Variants in GABRA3 observed in about 807,000 individuals in gnomAD.
GABRA3 encodes gamma-aminobutyric acid type A receptor subunit alpha3.
GABRA3 carries 10 observed loss-of-function variants against 30.1 expected under a neutral mutation model. The observed-to-expected ratio is 0.33, with a 90% CI of 0.20 to 0.56. The LOEUF is 0.56. Among genes scored for constraint, GABRA3 ranks in the 20% least tolerant of loss-of-function variants. The pLI is 0.89. For synonymous variants in GABRA3, 151 were observed against 146.8 expected, an observed-to-expected ratio of 1.03 and a Z score of -0.21; for missense variants, 233 against 392.0, an observed-to-expected ratio of 0.59 and a Z score of 3.42.
At chrX:152,404,892 G>C (rs1288290116) in intron 1 of GABRA3, among the ~76,000 whole-genome samples, 1 of 108,244 alleles carries the variant, frequency 9.2e-6, no homozygotes, top group East Asian at 2.9e-4. Flanking sequence ...ATAGTTTAGA[G>C]GACGGAGGTG....
chrX:152,372,964 T>C (rs184159149), intron 1 of GABRA3, among the ~76,000 whole-genome samples: 1 of 111,752 alleles, frequency 8.9e-6, no homozygotes, highest in African/African-American at 3.2e-5. Flanking sequence ...CTCTCATCTA[T>C]GCATGTGCAC....
In GABRA3 at chrX:152,288,075, G is replaced by C. The variant is rs181463044; in HGVS notation, c.263-3340C>G. 3.8e-3 allele frequency among the ~76,000 whole-genome samples: 429 copies of C among 112,223 alleles called. 1 individual carries two copies. Among genetic ancestry groups the C allele is most frequent in the Non-Finnish European group, 7.1e-3 (378 of 53,284 alleles). On this transcript the variant is annotated intron_variant, in intron 3 of 9. Coordinates refer to ENST00000370314, the MANE Select transcript of GABRA3 (RefSeq NM_000808.4). ...CAACCAGAAATCCTTCATGCAGTCA[G>C]GTGTGGAAAAGAGATTGTTACTGCA...
rs200341591 is a variant in GABRA3, at chrX:152,199,102, CCT to C, written c.779-1319_779-1318del. 8.3e-3 allele frequency among the ~76,000 whole-genome samples: 920 copies of C among 111,347 alleles called. 11 individuals are homozygous for C. The highest frequency in any genetic ancestry group is 0.034 in the Admixed American group (363 of 10,526). On this transcript the variant is annotated intron_variant, in intron 7 of 9. Coordinates refer to ENST00000370314, the MANE Select transcript of GABRA3 (RefSeq NM_000808.4). ...AGAGGGCTGGGTGCGGTGGCTCAAGCCTGCCTGTAATCCCAGCACTTTGGGAG... is the reference window on the plus strand; with the variant it reads ...AGAGGGCTGGGTGCGGTGGCTCAAGCGCCTGTAATCCCAGCACTTTGGGAG...
chrX:152,245,140 C>T (rs1366997618), intron 5 of GABRA3, among the ~76,000 whole-genome samples: 2 of 109,196 alleles, frequency 1.8e-5, no homozygotes, highest in African/African-American at 6.7e-5. Flanking sequence ...GAACAAGGGG[C>T]TCTGGAATTC....
chrX:152,373,120 T>G (rs753331020), intron 1 of GABRA3, among the ~76,000 whole-genome samples: 1 of 112,104 alleles, frequency 8.9e-6, no homozygotes, highest in Non-Finnish European at 1.9e-5. Context: ...CGTTTCTGTA[T>G]ACTATTTTTT....
intron 1 of GABRA3, among the ~76,000 whole-genome samples, chrX:152,398,458 G>C (rs1408511153): frequency 9.0e-6 from 1 of 111,051 alleles, no homozygotes; most frequent in African/African-American, 3.3e-5. Flanking sequence ...TTATGAGAGG[G>C]AGGACAGTGT....
At chrX:152,309,101 A>C (rs1385607248) in intron 3 of GABRA3, among the ~76,000 whole-genome samples, 1 of 112,389 alleles carries the variant, frequency 8.9e-6, no homozygotes, top group Non-Finnish European at 1.9e-5. Flanking sequence ...AAAAGAATAA[A>C]ATAGAATGAA....
intron 1 of GABRA3, among the ~76,000 whole-genome samples, chrX:152,413,098 T>G (rs1321501236): frequency 1.8e-5 from 2 of 110,937 alleles, no homozygotes; most frequent in African/African-American, 6.5e-5. Context: ...ACAAAAAATT[T>G]TGAAAGCAGC....
chrX:152,362,767 T>C, intron 2 of GABRA3, among the ~76,000 whole-genome samples: 1 of 111,782 alleles, frequency 8.9e-6, no homozygotes, highest in East Asian at 2.8e-4. Context: ...TGATTCAATC[T>C]GGAGAGTAAA....
chrX:152,294,788 G>A (rs772120714), intron 3 of GABRA3, among the ~76,000 whole-genome samples: 5 of 111,842 alleles, frequency 4.5e-5, no homozygotes, highest in East Asian at 5.7e-4. Flanking sequence ...GGTCTTTGAT[G>A]ATGGTGACAT....
intron 9 of GABRA3, among the ~76,000 whole-genome samples, chrX:152,170,831 G>A (rs1936993939): frequency 8.9e-6 from 1 of 112,005 alleles, no homozygotes; most frequent in Non-Finnish European, 1.9e-5. Context: ...GTTGGTTTAC[G>A]TAAATTGAAC....
chrX:152,289,527 TA>T (rs1939361147), intron 3 of GABRA3, among the ~76,000 whole-genome samples: 1 of 110,845 alleles, frequency 9.0e-6, no homozygotes, highest in South Asian at 3.8e-4. Context: ...TTTCTTTTTT[TA>T]AATTATACTT....
At chrX:152,328,436 T>C (rs972719518) in intron 3 of GABRA3, among the ~76,000 whole-genome samples, 2 of 111,805 alleles carry the variant, frequency 1.8e-5, no homozygotes, top group South Asian at 7.5e-4. Context: ...TGAACATCGA[T>C]GCAAAAATCC....
intron 1 of GABRA3, among the ~76,000 whole-genome samples, chrX:152,427,128 C>T (rs1052150078): frequency 8.1e-5 from 9 of 111,413 alleles, no homozygotes; most frequent in African/African-American, 2.9e-4. Flanking sequence ...TATTATCTCT[C>T]ACACCTAATT....
chrX:152,394,070 A>G (rs1336640884), intron 1 of GABRA3, among the ~76,000 whole-genome samples: 1 of 111,636 alleles, frequency 9.0e-6, no homozygotes, highest in Non-Finnish European at 1.9e-5. Flanking sequence ...TATCATCATC[A>G]TCACTACCTG....
chrX:152,418,234 C>T (rs924982892), intron 1 of GABRA3, among the ~76,000 whole-genome samples: 1 of 110,761 alleles, frequency 9.0e-6, no homozygotes, highest in Non-Finnish European at 1.9e-5. Flanking sequence ...GCAAGAATTG[C>T]ATTTTTTGAA....
intron 4 of GABRA3, among the ~76,000 whole-genome samples, chrX:152,284,144 C>T (rs1311213067): frequency 1.8e-5 from 2 of 111,501 alleles, no homozygotes; most frequent in African/African-American, 6.5e-5. Flanking sequence ...ATGAAGCTCT[C>T]TCCATGCCCA....
intron 5 of GABRA3, among the ~76,000 whole-genome samples, chrX:152,234,200 A>T (rs1376745658): frequency 2.2e-5 from 2 of 92,749 alleles, no homozygotes; most frequent in African/African-American, 4.6e-5. Context: ...GTATAATAAT[A>T]AAAAAAATTA....
At chrX:152,188,525 G>A (rs1475647573) in intron 9 of GABRA3, among the ~76,000 whole-genome samples, 1 of 110,374 alleles carries the variant, frequency 9.1e-6, no homozygotes, top group Non-Finnish European at 1.9e-5. Flanking sequence ...CCTGTTCCTA[G>A]CTGATAAACC....
Sources: allele counts gnomAD v4.1 joint callset (sites outside exome capture counted in the v4.1 genomes callset), GRCh38; gene constraint gnomAD v4.1.1; transcripts MANE v1.5; gene names NCBI Gene and HGNC (gene_info 2026-07-23, HGNC 2026-07-21).